The following DIAPH3 variants were observed in gnomAD, a reference collection of about 807,000 sequenced individuals.
The protein encoded by DIAPH3 is protein diaphanous homolog 3.
DIAPH3 carries 117 observed loss-of-function variants against 144.3 expected under a neutral mutation model. The ratio of observed to expected loss-of-function variants is 0.81; its 90% CI spans 0.70 to 0.95. DIAPH3 has a LOEUF of 0.95. DIAPH3 is among the 40% of genes least tolerant of loss of function. The probability of loss-of-function intolerance (pLI) is 0.00; values close to 1 mark genes in which losing one functional copy is unlikely to be tolerated. For missense variants in DIAPH3, 1,421 were observed against 1,412.7 expected (o/e 1.01, Z -0.09); for synonymous variants, 519 against 488.9 (o/e 1.06, Z -0.81).
intron 1 of DIAPH3, among the ~76,000 whole-genome samples, chr13:60,152,358 C>T (rs1951827499): frequency 6.6e-6 from 1 of 151,978 alleles, no homozygotes; most frequent in African/African-American, 2.4e-5. Context: ...AATGACCTCA[C>T]ACTTGGTACA....
At chr13:59,895,673 A>G (rs571213026) in intron 20 of DIAPH3, among the ~76,000 whole-genome samples, 2 of 152,348 alleles carry the variant, frequency 1.3e-5, no homozygotes, top group African/African-American at 4.8e-5. Context: ...AAAACTGTTT[A>G]AAAGTTGATT....
chr13:59,930,131 T>C (rs2047954307), intron 17 of DIAPH3, among the ~76,000 whole-genome samples: 1 of 152,180 alleles, frequency 6.6e-6, no homozygotes, highest in African/African-American at 2.4e-5. Flanking sequence ...AGGTATTGTG[T>C]AGAAACTTTG....
intron 17 of DIAPH3, among the ~76,000 whole-genome samples, chr13:59,925,294 G>A (rs1234536695): frequency 2.0e-5 from 3 of 152,070 alleles, no homozygotes; most frequent in Non-Finnish European, 2.9e-5. Context: ...GTCATTTTAT[G>A]TCTAATATAC....
intron 27 of DIAPH3, among the ~76,000 whole-genome samples, chr13:59,719,442 G>A (rs550581061): frequency 6.6e-6 from 1 of 152,290 alleles, no homozygotes; most frequent in Admixed American, 6.5e-5. Context: ...AACTTATGGA[G>A]AGAGGTTGGC....
chr13:60,109,171 G>T (rs2058498420), intron 3 of DIAPH3, among the ~76,000 whole-genome samples: 1 of 152,004 alleles, frequency 6.6e-6, no homozygotes, highest in Admixed American at 6.6e-5. Flanking sequence ...GAAAAAACTG[G>T]CCAGAGAGAA....
chr13:59,814,006 T>C (rs2040635801), intron 24 of DIAPH3, among the ~76,000 whole-genome samples: 1 of 152,098 alleles, frequency 6.6e-6, no homozygotes, highest in Non-Finnish European at 1.5e-5. Flanking sequence ...TAGGTTGTGA[T>C]AGAGAAAGGA....
At chr13:59,831,718 C>T (rs1215165556) in intron 24 of DIAPH3, among the ~76,000 whole-genome samples, 1 of 151,824 alleles carries the variant, frequency 6.6e-6, no homozygotes, top group Non-Finnish European at 1.5e-5. Flanking sequence ...ATATAAAACG[C>T]CCTTATCAGG....
chr13:60,102,117 C>T (rs1482676425), intron 3 of DIAPH3, among the ~76,000 whole-genome samples: 2 of 152,132 alleles, frequency 1.3e-5, no homozygotes, highest in Non-Finnish European at 2.9e-5. Context: ...TACTATCTTT[C>T]CCTACCCAAC....
At chr13:60,102,108 A>G (rs2058286032) in intron 3 of DIAPH3, among the ~76,000 whole-genome samples, 2 of 152,104 alleles carry the variant, frequency 1.3e-5, no homozygotes, top group African/African-American at 4.8e-5. Flanking sequence ...TTTGCACACT[A>G]CTATCTTTCC....
chr13:60,040,008 C>T (rs1435355713), intron 5 of DIAPH3, among the ~76,000 whole-genome samples: 3 of 151,712 alleles, frequency 2.0e-5, no homozygotes, highest in Non-Finnish European at 2.9e-5. Context: ...GGCCAAGGCA[C>T]GTGGATCATT....
At chr13:59,700,361 G>C (rs893416491) in intron 27 of DIAPH3, among the ~76,000 whole-genome samples, 7 of 152,140 alleles carry the variant, frequency 4.6e-5, no homozygotes, top group Non-Finnish European at 8.8e-5. Flanking sequence ...ATGTGTGCTT[G>C]CAGGGTGAAT....
At chr13:60,022,225 C>T (rs1358192086) in intron 5 of DIAPH3, among the ~76,000 whole-genome samples, 1 of 152,128 alleles carries the variant, frequency 6.6e-6, no homozygotes, top group Non-Finnish European at 1.5e-5. Context: ...CCTTTCTGAC[C>T]TGCATGCCTT....
At chr13:60,042,324 A>G (rs1336301610) in intron 5 of DIAPH3, among the ~76,000 whole-genome samples, 4 of 152,200 alleles carry the variant, frequency 2.6e-5, no homozygotes, top group Non-Finnish European at 5.9e-5. Flanking sequence ...AAAATTAATT[A>G]GTGGTATTTC....
At chr13:59,984,575 C>G (rs1225139542) in intron 12 of DIAPH3, among the ~76,000 whole-genome samples, 1 of 150,926 alleles carries the variant, frequency 6.6e-6, no homozygotes, top group Non-Finnish European at 1.5e-5. Context: ...AGATCGCTAG[C>G]AAGACTAATA....
chr13:59,987,594 A>G (rs1027675652), intron 12 of DIAPH3, among the ~76,000 whole-genome samples: 1 of 151,358 alleles, frequency 6.6e-6, no homozygotes, highest in Admixed American at 6.6e-5. Flanking sequence ...TTGTTAGTGA[A>G]ATAAGGCTAA....
chr13:59,947,912 T>A (rs2048883878), intron 17 of DIAPH3, among the ~76,000 whole-genome samples: 1 of 152,072 alleles, frequency 6.6e-6, no homozygotes, highest in Non-Finnish European at 1.5e-5. Flanking sequence ...CAGTCCAACA[T>A]CCTATTCATA....
chr13:59,874,238 T>A (rs1172036896), intron 21 of DIAPH3, among the ~76,000 whole-genome samples: 1 of 152,180 alleles, frequency 6.6e-6, no homozygotes, highest in Non-Finnish European at 1.5e-5. Context: ...GTGTGGGGAC[T>A]GCGGCATCAG....
At chr13:59,920,474 C>T (rs2047453129) in intron 18 of DIAPH3, among the ~76,000 whole-genome samples, 1 of 151,590 alleles carries the variant, frequency 6.6e-6, no homozygotes, top group South Asian at 2.1e-4. Flanking sequence ...ATAAAGTGAT[C>T]AATTCAGCAA....
intron 27 of DIAPH3, among the ~76,000 whole-genome samples, chr13:59,773,703 G>A (rs1290303600): frequency 6.6e-6 from 1 of 152,134 alleles, no homozygotes; most frequent in Admixed American, 6.6e-5. Flanking sequence ...CATCTTCTTA[G>A]TGATTTTATC....
Sources: allele counts gnomAD v4.1 joint callset (sites outside exome capture counted in the v4.1 genomes callset), GRCh38; gene constraint gnomAD v4.1.1; transcripts MANE v1.5; gene names NCBI Gene and HGNC (gene_info 2026-07-23, HGNC 2026-07-21).